CNTNAP2: variants seen among roughly 807,000 people sequenced by gnomAD.
CNTNAP2 encodes contactin-associated protein-like 2.
Under a neutral mutation model 155.2 loss-of-function variants are expected in CNTNAP2, and 98 were observed. The ratio of observed to expected loss-of-function variants is 0.63; its 90% CI spans 0.54 to 0.75. The LOEUF is 0.75. Ranked by LOEUF, CNTNAP2 falls within the 30% of genes least tolerant of loss-of-function variation. The pLI is 0.00. For synonymous variants in CNTNAP2, 651 were observed against 631.2 expected (o/e 1.03, Z -0.47); for missense variants, 1,727 against 1,688.1 (o/e 1.02, Z -0.40).
rs730880276 is a variant in CNTNAP2, at chr7:147,485,934, G to T, written c.1671-1G>T. The T allele has an allele frequency of 6.2e-6, 10 of 1,613,954 alleles. No individual in the cohort carries two copies. The highest frequency in any genetic ancestry group is 7.6e-6 in the Non-Finnish European group (9 of 1,179,854). ...TTTCTGTTTGTCTCTCTCTCTGACAGATGTGTGCCCAATCACTGTGAGCAT... is the reference window on the plus strand; with the variant it reads ...TTTCTGTTTGTCTCTCTCTCTGACATATGTGTGCCCAATCACTGTGAGCAT... On this transcript the variant is annotated splice_acceptor_variant, in intron 10 of 23. Transcript: ENST00000361727. LOFTEE classifies it high-confidence loss of function.
At chr7:146,610,736 C>T (rs1235378864) in intron 1 of CNTNAP2, among the ~76,000 whole-genome samples, 2 of 152,110 alleles carry the variant, frequency 1.3e-5, no homozygotes, top group Non-Finnish European at 2.9e-5. Context: ...GGTCTCTGAA[C>T]TCAAGTAGTT....
chr7:147,305,277 A>G (rs546850437), intron 9 of CNTNAP2, among the ~76,000 whole-genome samples: 5 of 152,306 alleles, frequency 3.3e-5, no homozygotes, highest in African/African-American at 1.2e-4. Flanking sequence ...TAGGTATGTA[A>G]ATATAGATTT....
chr7:146,646,009 A>C (rs1799805349), intron 1 of CNTNAP2, among the ~76,000 whole-genome samples: 1 of 152,220 alleles, frequency 6.6e-6, no homozygotes, highest in Admixed American at 6.5e-5. Flanking sequence ...TCACTGTTAC[A>C]GGTGACGAAT....
chr7:146,501,920 T>G (rs1443835770), intron 1 of CNTNAP2, among the ~76,000 whole-genome samples: 1 of 152,058 alleles, frequency 6.6e-6, no homozygotes, highest in Non-Finnish European at 1.5e-5. Context: ...AGCCATGGAA[T>G]GCCTGGGGCT....
intron 1 of CNTNAP2, among the ~76,000 whole-genome samples, chr7:146,129,709 T>G: frequency 6.6e-6 from 1 of 152,370 alleles, no homozygotes; most frequent in Middle Eastern, 3.4e-3. Context: ...AATTCTATGC[T>G]TCTATGAAGT....
chr7:146,386,128 C>G lies in CNTNAP2; in HGVS notation c.97+269155C>G, dbSNP rs192509104. Reference sequence around the variant, plus strand: ...TTAGCTGTTTCTTCTGGTGTTTACTCTTATATTCATAAATAAAATATATTT... The same window carrying G: ...TTAGCTGTTTCTTCTGGTGTTTACTGTTATATTCATAAATAAAATATATTT... On this transcript the variant is annotated intron_variant, in intron 1 of 23. Transcript: ENST00000361727. Among the ~76,000 whole-genome samples the G allele has an allele frequency of 2.0e-5, 3 of 152,160 alleles. No individual in the cohort carries two copies. In the East Asian group the frequency reaches 5.8e-4, roughly 29 times the overall value.
intron 21 of CNTNAP2, among the ~76,000 whole-genome samples, chr7:148,350,322 A>G (rs1426636913): frequency 2.6e-5 from 4 of 152,214 alleles, no homozygotes; most frequent in Non-Finnish European, 5.9e-5. Context: ...CAAGGACTCC[A>G]GGCTGGTTCT....
intron 1 of CNTNAP2, among the ~76,000 whole-genome samples, chr7:146,577,482 T>C (rs767442150): frequency 3.3e-5 from 5 of 152,164 alleles, no homozygotes; most frequent in Non-Finnish European, 7.4e-5. Flanking sequence ...ATCCAACATG[T>C]AGATTTAAAC....
At chr7:146,608,068 T>C (rs1380953892) in intron 1 of CNTNAP2, among the ~76,000 whole-genome samples, 1 of 152,200 alleles carries the variant, frequency 6.6e-6, no homozygotes, top group Non-Finnish European at 1.5e-5. Context: ...GCATTATTAA[T>C]ATTTGGAGCT....
chr7:146,907,241 G>A (rs1223667773), intron 3 of CNTNAP2, among the ~76,000 whole-genome samples: 1 of 149,474 alleles, frequency 6.7e-6, no homozygotes, highest in Non-Finnish European at 1.5e-5. Flanking sequence ...ATATTATCCA[G>A]GAGAACTTCC....
intron 1 of CNTNAP2, among the ~76,000 whole-genome samples, chr7:146,456,043 A>G (rs979517303): frequency 1.3e-5 from 2 of 152,134 alleles, no homozygotes; most frequent in African/African-American, 4.8e-5. Context: ...ATACAAGTGG[A>G]GAGTTTTTTC....
At chr7:147,170,975 G>C (rs911004583) in intron 8 of CNTNAP2, among the ~76,000 whole-genome samples, 1 of 152,106 alleles carries the variant, frequency 6.6e-6, no homozygotes, top group Non-Finnish European at 1.5e-5. Context: ...CCTGAGAGAC[G>C]GGTGCCTATA....
At chr7:146,209,681 T>C (rs1226446794) in intron 1 of CNTNAP2, among the ~76,000 whole-genome samples, 2 of 152,190 alleles carry the variant, frequency 1.3e-5, no homozygotes, top group Non-Finnish European at 2.9e-5. Context: ...TTTGTGCTAG[T>C]ACTTAAAATA....
chr7:148,098,656 T>G (rs776972989), intron 15 of CNTNAP2, among the ~76,000 whole-genome samples: 8 of 151,954 alleles, frequency 5.3e-5, no homozygotes, highest in Non-Finnish European at 1.0e-4. Flanking sequence ...CTAGGTAAGA[T>G]AGACCCCATC....
chr7:146,558,399 G>T, intron 1 of CNTNAP2, among the ~76,000 whole-genome samples: 1 of 152,016 alleles, frequency 6.6e-6, no homozygotes, highest in East Asian at 1.9e-4. Context: ...AACGACATCT[G>T]GCATGTACTT....
chr7:148,021,710 G>A (rs1477100149), intron 15 of CNTNAP2, among the ~76,000 whole-genome samples: 1 of 152,182 alleles, frequency 6.6e-6, no homozygotes, highest in Non-Finnish European at 1.5e-5. Flanking sequence ...AGACAGGGTG[G>A]CAGGAATGCA....
intron 19 of CNTNAP2, among the ~76,000 whole-genome samples, chr7:148,225,211 T>G (rs948809643): frequency 3.9e-5 from 6 of 152,074 alleles, no homozygotes; most frequent in African/African-American, 1.4e-4. Flanking sequence ...CAATCTATAG[T>G]ATGTTGTGTG....
At position 146,906,842 on chromosome 7, in the gene CNTNAP2, T is replaced by C. The variant is rs997626059; in HGVS notation, c.402+66938T>C. ...GCTGAGAGAAGAAGGCTTCAGACGA[T>C]CAAATTACTCTGAGCTACGGGAGGA... On this transcript the variant is annotated intron_variant, in intron 3 of 23. Transcript: ENST00000361727. Among the ~76,000 whole-genome samples, 61 of 150,540 alleles carry C rather than the reference T, an allele frequency of 4.1e-4. 1 individual carries two copies. The highest frequency in any genetic ancestry group is 1.4e-3 in the African/African-American group (59 of 41,068).
intron 13 of CNTNAP2, among the ~76,000 whole-genome samples, chr7:147,775,259 AAATATATT>A (rs1269481599): frequency 1.8e-5 from 2 of 110,854 alleles, no homozygotes; most frequent in African/African-American, 3.5e-5. Context: ...ATATATTTAT[AAATATATT>A]TATATATATA....
Sources: gnomAD v4.1 joint callset for allele counts (sites outside exome capture counted in the v4.1 genomes callset) on GRCh38, gnomAD v4.1.1 for gene constraint, MANE v1.5 for transcripts, NCBI Gene and HGNC (gene_info 2026-07-23, HGNC 2026-07-21) for gene names.